The following SGCD variants were observed in gnomAD, a reference collection of about 807,000 sequenced individuals.
SGCD encodes the protein delta-sarcoglycan.
Under a neutral mutation model 36.6 loss-of-function variants are expected in SGCD, and 18 were observed. The ratio of observed to expected loss-of-function variants is 0.49; its 90% CI spans 0.34 to 0.73. The LOEUF (loss-of-function observed/expected upper bound fraction) is 0.73. Ranked by LOEUF, SGCD falls within the 30% of genes least tolerant of loss-of-function variation. The pLI, the probability that SGCD is intolerant of heterozygous loss-of-function variation, is 0.01. For missense variants in SGCD, 387 were observed against 346.7 expected (o/e 1.12, Z -0.92); for synonymous variants, 133 against 130.6 (o/e 1.02, Z -0.12).
At chr5:156,068,172 G>A (rs1291079653) in intron 1 of SGCD, among the ~76,000 whole-genome samples, 6 of 151,048 alleles carry the variant, frequency 4.0e-5, no homozygotes, top group Non-Finnish European at 7.4e-5. Context: ...TGCACAATGT[G>A]CAGGTTAGTT....
chr5:156,221,369 C>T (rs560717529), intron 3 of SGCD, among the ~76,000 whole-genome samples: 1 of 152,002 alleles, frequency 6.6e-6, no homozygotes, highest in Non-Finnish European at 1.5e-5. Flanking sequence ...GAATTATAAA[C>T]AAAAATTTAG....
chr5:156,405,759 G>A (rs754724590), intron 3 of SGCD, among the ~76,000 whole-genome samples: 3 of 152,036 alleles, frequency 2.0e-5, no homozygotes, highest in Non-Finnish European at 4.4e-5. Flanking sequence ...AGTCCTGTGC[G>A]GTTTAGTTTC....
chr5:156,638,155 G>A (rs1283450614), intron 6 of SGCD, among the ~76,000 whole-genome samples: 1 of 150,442 alleles, frequency 6.6e-6, no homozygotes, highest in African/African-American at 2.5e-5. Context: ...CATCTCACTG[G>A]TATCCATTGA....
chr5:156,675,778 G>T (rs1344609865), intron 7 of SGCD, among the ~76,000 whole-genome samples: 1 of 152,112 alleles, frequency 6.6e-6, no homozygotes, highest in African/African-American at 2.4e-5. Flanking sequence ...CATTGTCTAA[G>T]AATGAAAAAG....
chr5:156,624,752 C>T (rs1255120347), intron 6 of SGCD, among the ~76,000 whole-genome samples: 6 of 152,070 alleles, frequency 3.9e-5, no homozygotes, highest in Non-Finnish European at 8.8e-5. Context: ...TCCTCATTCT[C>T]TCCTCATCCT....
At chr5:155,860,370 G>A in the SGCD span, among the ~76,000 whole-genome samples, 1 of 152,174 alleles carries the variant, frequency 6.6e-6, no homozygotes, top group African/African-American at 2.4e-5. Context: ...TATCATTTTA[G>A]AAAGGTTGCA....
chr5:155,916,878 G>C (rs958481353), intron 1 of SGCD, among the ~76,000 whole-genome samples: 4 of 152,154 alleles, frequency 2.6e-5, no homozygotes, highest in Non-Finnish European at 5.9e-5. Context: ...GTGCATTCCA[G>C]ACCCAATGAG....
At chr5:156,086,503 G>A (rs1318791309) in intron 1 of SGCD, among the ~76,000 whole-genome samples, 2 of 152,248 alleles carry the variant, frequency 1.3e-5, no homozygotes, top group African/African-American at 4.8e-5. Context: ...GGGCACTCAG[G>A]AGTGGTGAGG....
chr5:155,781,329 C>T, the SGCD span, among the ~76,000 whole-genome samples: 3 of 152,130 alleles, frequency 2.0e-5, no homozygotes, highest in Middle Eastern at 3.2e-3. Flanking sequence ...AACCCTTGCA[C>T]GGAAGGACAC....
the SGCD span, among the ~76,000 whole-genome samples, chr5:155,768,399 CTGTA>C: frequency 6.6e-6 from 1 of 151,798 alleles, no homozygotes; most frequent in South Asian, 2.1e-4. Context: ...AGCATCCACT[CTGTA>C]TTAGACACTG....
At chr5:155,838,022 G>A in the SGCD span, among the ~76,000 whole-genome samples, 3 of 152,078 alleles carry the variant, frequency 2.0e-5, no homozygotes, top group Non-Finnish European at 4.4e-5. Context: ...AATGAACTTT[G>A]TGAACCCGTC....
intron 4 of SGCD, among the ~76,000 whole-genome samples, chr5:156,516,008 C>A (rs191478877): frequency 6.6e-6 from 1 of 152,216 alleles, no homozygotes; most frequent in Non-Finnish European, 1.5e-5. Flanking sequence ...GTTTACAGAC[C>A]GAACTCTAAT....
At chr5:155,991,188 G>A (rs371350250) in intron 1 of SGCD, among the ~76,000 whole-genome samples, 6 of 152,250 alleles carry the variant, frequency 3.9e-5, no homozygotes, top group South Asian at 2.1e-4. Flanking sequence ...CTACCTAAAT[G>A]TAAAGCATTA....
At chr5:156,277,755 CT>C (rs901323780) in intron 3 of SGCD, among the ~76,000 whole-genome samples, 1 of 152,132 alleles carries the variant, frequency 6.6e-6, no homozygotes, top group African/African-American at 2.4e-5. Flanking sequence ...GCAAACTAGC[CT>C]TTCCCGTTAT....
At chr5:156,733,715 G>C (rs899044801) in intron 7 of SGCD, among the ~76,000 whole-genome samples, 1 of 152,030 alleles carries the variant, frequency 6.6e-6, no homozygotes, top group African/African-American at 2.4e-5. Context: ...TTCTTGTTAA[G>C]TTGAACCTTT....
At chr5:155,833,065 A>G in the SGCD span, among the ~76,000 whole-genome samples, 12 of 135,110 alleles carry the variant, frequency 8.9e-5, no homozygotes, top group South Asian at 2.4e-4. Context: ...AAAAAAAAAA[A>G]AAAAAAGAAA....
chr5:156,336,863 A>G (rs946254501), intron 2 of SGCD, among the ~76,000 whole-genome samples: 1 of 152,240 alleles, frequency 6.6e-6, no homozygotes, highest in Non-Finnish European at 1.5e-5. Flanking sequence ...TTGGTATTAC[A>G]TATTTTAGCT....
Position 156,056,645 on chromosome 5 carries a change from T to TAAAAAAAAAAAAAAAAAAAAAAAAAAAA in SGCD, c.-281-61213_-281-61212insAAAAAAAAAAAAAAAAAAAAAAAAAAAA, listed in dbSNP as rs561328077. Among the ~76,000 whole-genome samples the TAAAAAAAAAAAAAAAAAAAAAAAAAAAA allele has an allele frequency of 5.9e-4, 40 of 68,262 alleles. 4 individuals carry two copies. In the East Asian group the frequency reaches 0.011, roughly 20 times the overall value. 44.8% of individuals were successfully genotyped at this position (68,262 alleles called of 152,430 possible). On this transcript the variant is annotated intron_variant, in intron 1 of 9. Coordinates refer to the SGCD transcript ENST00000517913. ...GGTCCCCTACCTGCCAAATTATCCT[T>TAAAAAAAAAAAAAAAAAAAAAAAAAAAA]AAAAAAAAAAAAAAAAAAAACAGTC... is the stretch of plus-strand genomic sequence containing the variant.
intron 1 of SGCD, among the ~76,000 whole-genome samples, chr5:155,871,266 G>A (rs531012009): frequency 2.0e-4 from 30 of 152,286 alleles, no homozygotes; most frequent in Middle Eastern, 3.4e-3. Context: ...GGGTCATCCT[G>A]TGTTGAAGAG....
Sources: gnomAD v4.1 joint callset for allele counts (sites outside exome capture counted in the v4.1 genomes callset) on GRCh38, gnomAD v4.1.1 for gene constraint, MANE v1.5 for transcripts, NCBI Gene and HGNC (gene_info 2026-07-23, HGNC 2026-07-21) for gene names.